The following CFAP20DC variants were observed in gnomAD, a reference collection of about 807,000 sequenced individuals.
The protein encoded by CFAP20DC is CFAP20 domain containing.
A neutral mutation model predicts 101.7 loss-of-function variants in CFAP20DC; 84 were observed. The ratio of observed to expected loss-of-function variants is 0.83; its 90% CI spans 0.69 to 0.99. The LOEUF is 0.99. CFAP20DC is among the 50% of genes least tolerant of loss of function. The pLI is 0.00. For synonymous variants in CFAP20DC, 359 were observed against 351.2 expected, an observed-to-expected ratio of 1.02 and a Z score of -0.25; for missense variants, 1,007 against 970.3, an observed-to-expected ratio of 1.04 and a Z score of -0.50.
intron 6 of CFAP20DC, among the ~76,000 whole-genome samples, chr3:58,885,785 A>G (rs960745187): frequency 1.6e-4 from 25 of 151,924 alleles, no homozygotes; most frequent in Non-Finnish European, 3.5e-4. Flanking sequence ...AAATGACAGG[A>G]TTTCATTCTT....
At chr3:58,846,451 C>T (rs908083403) in intron 13 of CFAP20DC, among the ~76,000 whole-genome samples, 26 of 152,084 alleles carry the variant, frequency 1.7e-4, no homozygotes, top group South Asian at 1.2e-3. Context: ...GGAATCCAAC[C>T]TACAAGGGAT....
At chr3:58,766,719 C>T (rs1202285406) in intron 15 of CFAP20DC, among the ~76,000 whole-genome samples, 3 of 152,142 alleles carry the variant, frequency 2.0e-5, no homozygotes, top group Non-Finnish European at 4.4e-5. Flanking sequence ...CATCACACTC[C>T]CTATGCTCTG....
chr3:58,839,549 G>A, intron 13 of CFAP20DC, among the ~76,000 whole-genome samples: 1 of 152,228 alleles, frequency 6.6e-6, no homozygotes, highest in Non-Finnish European at 1.5e-5. Context: ...TTTCCATGAA[G>A]AGGTGAGTAA....
chr3:58,865,165 T>C (rs951571600), intron 11 of CFAP20DC, among the ~76,000 whole-genome samples: 2 of 151,574 alleles, frequency 1.3e-5, no homozygotes, highest in African/African-American at 4.8e-5. Context: ...AGTGTGGACA[T>C]GGTAATTTTA....
chr3:58,895,705 T>C lies in CFAP20DC; in HGVS notation c.551-10996A>G, dbSNP rs150507601. On this transcript the variant is annotated intron_variant, in intron 6 of 16. Coordinates refer to ENST00000482387, the MANE Select transcript of CFAP20DC (RefSeq NM_001394063.1). ...CTCTATTGGTACCAATTTACTGTAT[T>C]AGGCTGTTTTCATGCTACTGATAAA... 1.5e-3 allele frequency among the ~76,000 whole-genome samples: 230 copies of C among 152,230 alleles called. 2 individuals are homozygous for C. Among genetic ancestry groups the C allele is most frequent in the East Asian group, 0.011 (59 of 5,174 alleles).
intron 15 of CFAP20DC, among the ~76,000 whole-genome samples, chr3:58,781,710 A>C (rs2071843334): frequency 6.6e-6 from 1 of 152,118 alleles, no homozygotes; most frequent in Non-Finnish European, 1.5e-5. Context: ...TCCTAAACAC[A>C]TACAAACTAT....
At chr3:58,753,444 A>G (rs531774899) in intron 16 of CFAP20DC, among the ~76,000 whole-genome samples, 1 of 152,342 alleles carries the variant, frequency 6.6e-6, no homozygotes, top group East Asian at 1.9e-4. Context: ...AGTAATCAAA[A>G]TTCATAAAGG....
At chr3:58,926,959 G>A (rs187559149) in intron 5 of CFAP20DC, among the ~76,000 whole-genome samples, 16 of 152,120 alleles carry the variant, frequency 1.1e-4, no homozygotes, top group Non-Finnish European at 2.1e-4. Flanking sequence ...CTTTGGTAAC[G>A]AGACATTGAT....
chr3:58,963,000 CT>C (rs1224923632), intron 4 of CFAP20DC, among the ~76,000 whole-genome samples: 9 of 151,934 alleles, frequency 5.9e-5, no homozygotes, highest in African/African-American at 2.2e-4. Flanking sequence ...ACCAACATTG[CT>C]AAGGTTTCAA....
At chr3:58,726,935 C>T (rs895018380) in intron 3 of CFAP20DC, 8 of 246,092 alleles carry the variant, frequency 3.3e-5, no homozygotes, top group Non-Finnish European at 4.9e-5. Context: ...CCATCCCTTC[C>T]ACTCACGCCA....
At chr3:58,867,328 G>A (rs912993050) in intron 10 of CFAP20DC, among the ~76,000 whole-genome samples, 5 of 152,096 alleles carry the variant, frequency 3.3e-5, no homozygotes, top group African/African-American at 4.8e-5. Flanking sequence ...TAATGGCCAC[G>A]TATTTGTCTA....
intron 15 of CFAP20DC, among the ~76,000 whole-genome samples, chr3:58,754,950 A>G (rs976023321): frequency 1.3e-5 from 2 of 152,184 alleles, no homozygotes; most frequent in Non-Finnish European, 2.9e-5. Context: ...AATAAATTTC[A>G]GCTTTGACCA....
intron 4 of CFAP20DC, among the ~76,000 whole-genome samples, chr3:58,981,171 G>A (rs527587923): frequency 8.3e-4 from 127 of 152,234 alleles, no homozygotes; most frequent in Middle Eastern, 3.4e-3. Context: ...ATCTCTTTAA[G>A]GAGAACTACA....
chr3:58,747,356 C>T (rs899051346), intron 16 of CFAP20DC, among the ~76,000 whole-genome samples: 7 of 152,152 alleles, frequency 4.6e-5, no homozygotes, highest in African/African-American at 1.7e-4. Flanking sequence ...TAAATAATCC[C>T]TCCAGTTCAC....
At chr3:58,808,095 A>G (rs534080963) in intron 14 of CFAP20DC, among the ~76,000 whole-genome samples, 2 of 152,378 alleles carry the variant, frequency 1.3e-5, no homozygotes, top group African/African-American at 4.8e-5. Context: ...TGATTGGTGT[A>G]CTTGAAAGTG....
intron 4 of CFAP20DC, among the ~76,000 whole-genome samples, chr3:58,991,425 A>G (rs1257407522): frequency 6.6e-6 from 1 of 152,204 alleles, no homozygotes; most frequent in Non-Finnish European, 1.5e-5. Context: ...TTGAACCTCA[A>G]TATGAATGAA....
intron 12 of CFAP20DC, among the ~76,000 whole-genome samples, chr3:58,858,290 A>G (rs947190043): frequency 7.2e-5 from 11 of 152,184 alleles, no homozygotes; most frequent in African/African-American, 2.4e-4. Context: ...AGTGCCAGGA[A>G]CATCAATAGA....
Position 58,795,483 on chromosome 3 carries a change from A to T in CFAP20DC, c.2237+10912T>A, listed in dbSNP as rs2073173089. ...GGCAAGACCCCATTTCTACAAAAAA[A>T]TCAGCTTGGCTTGTGCCTGTGGTCT... On this transcript the variant is annotated intron_variant, in intron 15 of 16. Coordinates refer to ENST00000482387, the MANE Select transcript of CFAP20DC (RefSeq NM_001394063.1). This position sits in a 1 kb window ranked among gnomAD's most constrained non-coding sequence, Gnocchi z 4.2. Among the ~76,000 whole-genome samples, 1 of 152,160 alleles carries T rather than the reference A, an allele frequency of 6.6e-6. No individual in the cohort carries two copies. The highest frequency in any genetic ancestry group is 2.4e-5 in the African/African-American group (1 of 41,444).
chr3:58,860,353 G>A (rs773350230), intron 12 of CFAP20DC, among the ~76,000 whole-genome samples: 1 of 152,098 alleles, frequency 6.6e-6, no homozygotes, highest in East Asian at 1.9e-4. Flanking sequence ...AAAGCTGGGA[G>A]GGTGGACGAA....
Sources: allele counts gnomAD v4.1 joint callset (sites outside exome capture counted in the v4.1 genomes callset), GRCh38; gene constraint gnomAD v4.1.1; non-coding constraint Gnocchi (gnomAD v3.1); transcripts MANE v1.5; gene names NCBI Gene and HGNC (gene_info 2026-07-23, HGNC 2026-07-21).